Variants in CCDC178 observed in about 807,000 individuals in gnomAD.
CCDC178 encodes coiled-coil domain-containing protein 178.
In CCDC178, 126 loss-of-function variants were observed where a neutral mutation model predicts 117.4. That is an observed-to-expected ratio of 1.07 (90% CI 0.93 to 1.24). CCDC178 has a LOEUF of 1.24. Among genes scored for constraint, CCDC178 ranks in the 50% most tolerant of loss-of-function variants. The probability of loss-of-function intolerance (pLI) is 0.00; values close to 1 mark genes in which losing one functional copy is unlikely to be tolerated. For synonymous variants in CCDC178, 283 were observed against 313.4 expected (o/e 0.90, Z 1.02); for missense variants, 1,030 against 986.9 (o/e 1.04, Z -0.59).
chr18:33,402,701 C>T (rs749320182), intron 3 of CCDC178, among the ~76,000 whole-genome samples: 1 of 152,118 alleles, frequency 6.6e-6, no homozygotes, highest in Non-Finnish European at 1.5e-5. Context: ...GGTTCTTAAC[C>T]AGAATAGTAT....
chr18:33,247,120 G>GAC (rs2059560274), intron 14 of CCDC178, among the ~76,000 whole-genome samples: 1 of 151,258 alleles, frequency 6.6e-6, no homozygotes, highest in Non-Finnish European at 1.5e-5. Context: ...CAGAGTCAGA[G>GAC]AGACAGAGAC....
chr18:33,241,070 C>T (rs1451475017), intron 15 of CCDC178, among the ~76,000 whole-genome samples: 1 of 151,808 alleles, frequency 6.6e-6, no homozygotes, highest in Non-Finnish European at 1.5e-5. Context: ...GTGATACATA[C>T]ATCAGCAGAA....
At position 33,373,491 on chromosome 18, in the gene CCDC178, T is replaced by C. The variant is rs532199746; in HGVS notation, c.209-3302A>G. On this transcript the variant is annotated intron_variant, in intron 5 of 22. Coordinates refer to ENST00000383096, the MANE Select transcript of CCDC178 (RefSeq NM_001105528.4). Reference sequence around the variant, plus strand: ...AGCAATTTTTTGAATGAACTGTTTATACTGGCAGCTGCAATATCCTCATCT... The same window carrying C: ...AGCAATTTTTTGAATGAACTGTTTACACTGGCAGCTGCAATATCCTCATCT... Among the ~76,000 whole-genome samples the C allele has an allele frequency of 2.6e-5, 4 of 152,310 alleles. No homozygotes were observed. In the East Asian group the frequency reaches 7.7e-4, roughly 29 times the overall value.
At chr18:33,372,031 A>G (rs2063308309) in intron 5 of CCDC178, among the ~76,000 whole-genome samples, 1 of 152,054 alleles carries the variant, frequency 6.6e-6, no homozygotes, top group Non-Finnish European at 1.5e-5. Flanking sequence ...GATTCCTTTT[A>G]TATTTTTCTT....
intron 21 of CCDC178, among the ~76,000 whole-genome samples, chr18:33,035,831 G>C (rs1022847211): frequency 6.6e-5 from 10 of 151,836 alleles, no homozygotes; most frequent in African/African-American, 2.4e-4. Flanking sequence ...ATTCAAAAGA[G>C]TTTGGTTTGG....
chr18:33,041,588 C>A (rs2056550739), intron 21 of CCDC178, among the ~76,000 whole-genome samples: 1 of 151,264 alleles, frequency 6.6e-6, no homozygotes, highest in Admixed American at 6.6e-5. Context: ...TGGCATTATT[C>A]TTTCCATAAA....
At chr18:33,295,247 C>T (rs918014006) in intron 11 of CCDC178, among the ~76,000 whole-genome samples, 4 of 151,940 alleles carry the variant, frequency 2.6e-5, no homozygotes, top group African/African-American at 7.2e-5. Flanking sequence ...ATTACATATT[C>T]ATTGGCAAAA....
chr18:33,243,206 C>T (rs1353431225), intron 15 of CCDC178, among the ~76,000 whole-genome samples: 1 of 151,732 alleles, frequency 6.6e-6, no homozygotes, highest in Non-Finnish European at 1.5e-5. Context: ...CAAAATTGAT[C>T]TCACAAAAGT....
chr18:32,982,506 A>C (rs2144718493), intron 21 of CCDC178, among the ~76,000 whole-genome samples: 1 of 152,298 alleles, frequency 6.6e-6, no homozygotes, highest in Admixed American at 6.5e-5. Context: ...TAATTTGTTC[A>C]TTCTGGATTT....
chr18:33,083,799 T>G (rs998572218), intron 21 of CCDC178, among the ~76,000 whole-genome samples: 1 of 152,246 alleles, frequency 6.6e-6, no homozygotes, highest in Non-Finnish European at 1.5e-5. Flanking sequence ...TTAATTTTCA[T>G]GTCAGCAAAT....
intron 21 of CCDC178, among the ~76,000 whole-genome samples, chr18:33,003,755 T>A (rs879632543): frequency 6.6e-6 from 1 of 152,100 alleles, no homozygotes; most frequent in Admixed American, 6.6e-5. Flanking sequence ...CATTTGCAGA[T>A]AATATAATCT....
At chr18:33,197,411 T>C (rs929609647) in intron 20 of CCDC178, among the ~76,000 whole-genome samples, 1 of 152,110 alleles carries the variant, frequency 6.6e-6, no homozygotes, top group Non-Finnish European at 1.5e-5. Context: ...ATCCTACTGC[T>C]TTATTGTTTA....
intron 12 of CCDC178, among the ~76,000 whole-genome samples, chr18:33,281,576 A>G (rs2060026428): frequency 6.6e-6 from 1 of 152,194 alleles, no homozygotes; most frequent in Admixed American, 6.6e-5. Flanking sequence ...TCCAATAGAC[A>G]ATGTGACAAG....
intron 21 of CCDC178, among the ~76,000 whole-genome samples, chr18:33,043,848 T>C (rs1429689310): frequency 6.6e-6 from 1 of 151,952 alleles, no homozygotes; most frequent in African/African-American, 2.4e-5. Flanking sequence ...GCACATTTTA[T>C]CCTCTCTCAA....
chr18:33,172,473 TATA>T (rs1357230944), intron 20 of CCDC178, among the ~76,000 whole-genome samples: 5 of 152,066 alleles, frequency 3.3e-5, no homozygotes, highest in African/African-American at 7.2e-5. Context: ...GAATCAAAGC[TATA>T]ATAATCATGA....
At chr18:33,407,835 T>C (rs1337896085) in intron 3 of CCDC178, among the ~76,000 whole-genome samples, 1 of 151,684 alleles carries the variant, frequency 6.6e-6, no homozygotes, top group African/African-American at 2.4e-5. Flanking sequence ...TTTAGCCAAA[T>C]ACTCCAGAAA....
intron 14 of CCDC178, 96 bp downstream of exon 14, chr18:33,266,820 A>G (rs976807747): frequency 2.5e-6 from 3 of 1,193,318 alleles, no homozygotes; most frequent in African/African-American, 3.1e-5. Context: ...AAACAAAAAC[A>G]CCACCATATA....
intron 20 of CCDC178, among the ~76,000 whole-genome samples, chr18:33,194,749 T>G (rs999600114): frequency 2.6e-5 from 4 of 151,950 alleles, no homozygotes; most frequent in African/African-American, 9.7e-5. Context: ...TTCTGTGATA[T>G]TTGGCTACAT....
chr18:33,286,985 G>C (rs1342969370), intron 12 of CCDC178, among the ~76,000 whole-genome samples: 1 of 152,118 alleles, frequency 6.6e-6, no homozygotes, highest in East Asian at 1.9e-4. Flanking sequence ...AAAAGTATTT[G>C]ATCTCAACAT....
Sources: gnomAD v4.1 joint callset for allele counts (sites outside exome capture counted in the v4.1 genomes callset) on GRCh38, gnomAD v4.1.1 for gene constraint, MANE v1.5 for transcripts, NCBI Gene and HGNC (gene_info 2026-07-23, HGNC 2026-07-21) for gene names.